Variants in CNIH3 observed in about 807,000 individuals in gnomAD.
CNIH3 encodes protein cornichon homolog 3.
In CNIH3, 14 loss-of-function variants were observed where a neutral mutation model predicts 24.1. The ratio of observed to expected loss-of-function variants is 0.58; its 90% CI spans 0.38 to 0.91. The LOEUF (loss-of-function observed/expected upper bound fraction) is 0.91, where lower values mean the gene tolerates loss of function less well. CNIH3 is among the 40% of genes least tolerant of loss of function. The pLI is 0.00. For synonymous variants in CNIH3, 68 were observed against 73.8 expected, an observed-to-expected ratio of 0.92 and a Z score of 0.40; for missense variants, 178 against 196.8, an observed-to-expected ratio of 0.90 and a Z score of 0.57.
intron 3 of CNIH3, among the ~76,000 whole-genome samples, chr1:224,716,621 C>T (rs1481866118): frequency 1.3e-5 from 2 of 151,862 alleles, no homozygotes; most frequent in South Asian, 4.2e-4. Context: ...GAATGGGGTA[C>T]AGTGTGGGGA....
chr1:224,672,055 G>C (rs981425316), intron 1 of CNIH3, among the ~76,000 whole-genome samples: 1 of 152,188 alleles, frequency 6.6e-6, no homozygotes, highest in African/African-American at 2.4e-5. Context: ...TTCCTCTCCA[G>C]TGGAGCTCTT....
intron 1 of CNIH3, among the ~76,000 whole-genome samples, chr1:224,455,330 G>A (rs774072048): frequency 1.3e-5 from 2 of 152,092 alleles, no homozygotes; most frequent in Non-Finnish European, 2.9e-5. Flanking sequence ...TGAGGTGGGG[G>A]CCTGAATCCA....
At chr1:224,673,058 C>T (rs1051741403) in intron 1 of CNIH3, among the ~76,000 whole-genome samples, 12 of 152,178 alleles carry the variant, frequency 7.9e-5, no homozygotes, top group African/African-American at 2.9e-4. Context: ...ATTGAGTTTT[C>T]ATTTGGGTGA....
At chr1:224,593,494 A>G (rs1038441959), downstream of CNIH3, among the ~76,000 whole-genome samples, 20 of 152,310 alleles carry the variant, frequency 1.3e-4, 1 homozygote, top group African/African-American at 4.6e-4. Flanking sequence ...GGGAAGCTCA[A>G]AGCTTCCCAA....
intron 5 of CNIH3, among the ~76,000 whole-genome samples, chr1:224,735,054 C>T (rs1278171534): frequency 6.6e-6 from 1 of 152,110 alleles, no homozygotes; most frequent in Admixed American, 6.5e-5. Context: ...TGCAGCTCAG[C>T]CCAGCAGGTT....
chr1:224,526,779 AC>A (rs1292031206), intron 2 of CNIH3, among the ~76,000 whole-genome samples: 1 of 152,208 alleles, frequency 6.6e-6, no homozygotes, highest in African/African-American at 2.4e-5. Flanking sequence ...TGCAGGCTGT[AC>A]AGGAGGCATA....
At chr1:224,497,907 A>G (rs1264165311) in intron 1 of CNIH3, among the ~76,000 whole-genome samples, 3 of 152,182 alleles carry the variant, frequency 2.0e-5, no homozygotes, top group Non-Finnish European at 4.4e-5. Context: ...TTCCATCTGC[A>G]TGTCTCAAGT....
intron 1 of CNIH3, among the ~76,000 whole-genome samples, chr1:224,654,157 G>A (rs56228106): frequency 0.18 from 26,766 of 151,930 alleles, 2,487 homozygotes; most frequent in African/African-American, 0.23. Context: ...CAAGGCGGGC[G>A]GATCACCTGA....
chr1:224,669,502 G>C (rs1685758076), intron 1 of CNIH3, among the ~76,000 whole-genome samples: 1 of 152,146 alleles, frequency 6.6e-6, no homozygotes, highest in Non-Finnish European at 1.5e-5. Context: ...TGAGTCCTCA[G>C]AGGGGCTCTG....
At chr1:224,517,125 C>G (rs950436693) in intron 1 of CNIH3, among the ~76,000 whole-genome samples, 5 of 151,948 alleles carry the variant, frequency 3.3e-5, no homozygotes, top group African/African-American at 1.2e-4. Flanking sequence ...GTGTGTTTAT[C>G]TCAGTTTCTT....
intron 4 of CNIH3, among the ~76,000 whole-genome samples, chr1:224,731,678 C>T (rs2015451): frequency 0.73 from 110,596 of 152,198 alleles, 40,324 homozygotes; most frequent in African/African-American, 0.74. Context: ...CCTTAAGGAA[C>T]GTACATCCTA....
chr1:224,530,383 G>T (rs1224435253), intron 2 of CNIH3, among the ~76,000 whole-genome samples: 1 of 152,026 alleles, frequency 6.6e-6, no homozygotes, highest in Non-Finnish European at 1.5e-5. Flanking sequence ...TTACTCCTAG[G>T]TTATCATTAT....
At chr1:224,737,275 G>C (rs899342861) in intron 5 of CNIH3, among the ~76,000 whole-genome samples, 2 of 152,142 alleles carry the variant, frequency 1.3e-5, no homozygotes, top group African/African-American at 2.4e-5. Flanking sequence ...AGATGGGTGT[G>C]ATTGTTCTGT....
intron 1 of CNIH3, among the ~76,000 whole-genome samples, chr1:224,635,494 A>C (rs2125084665): frequency 6.6e-6 from 1 of 152,346 alleles, no homozygotes; most frequent in South Asian, 2.1e-4. Context: ...TAGGAACAGC[A>C]AGCATTTTCA....
intron 1 of CNIH3, among the ~76,000 whole-genome samples, chr1:224,436,420 C>A (rs1674669925): frequency 6.6e-6 from 1 of 152,188 alleles, no homozygotes; most frequent in Admixed American, 6.5e-5. Flanking sequence ...ACATTGAAGA[C>A]TTGCTTCTGA....
At chr1:224,551,369 A>G (rs750103017) in intron 3 of CNIH3, among the ~76,000 whole-genome samples, 1 of 152,218 alleles carries the variant, frequency 6.6e-6, no homozygotes, top group African/African-American at 2.4e-5. Context: ...TGGCACATAT[A>G]CACCATGAAA....
intron 3 of CNIH3, among the ~76,000 whole-genome samples, chr1:224,610,018 C>A (rs1292460480): frequency 1.3e-5 from 2 of 152,042 alleles, no homozygotes; most frequent in Non-Finnish European, 2.9e-5. Context: ...TTTCAAGTAC[C>A]CATAAAACCA....
intron 2 of CNIH3, among the ~76,000 whole-genome samples, chr1:224,526,405 T>C (rs1007837141): frequency 4.6e-5 from 7 of 152,158 alleles, no homozygotes; most frequent in African/African-American, 1.7e-4. Flanking sequence ...CTTTGTGCCA[T>C]GTGAGGACAC....
At chr1:224,460,883 C>T (rs1175274525) in intron 1 of CNIH3, among the ~76,000 whole-genome samples, 1 of 151,944 alleles carries the variant, frequency 6.6e-6, no homozygotes. Flanking sequence ...AGTCCTCCCA[C>T]CTCAGCCTCC....
Sources: gnomAD v4.1 joint callset for allele counts (sites outside exome capture counted in the v4.1 genomes callset) on GRCh38, gnomAD v4.1.1 for gene constraint, MANE v1.5 for transcripts, NCBI Gene and HGNC (gene_info 2026-07-23, HGNC 2026-07-21) for gene names.